The following CUBN variants were observed in gnomAD, a reference collection of about 807,000 sequenced individuals.
The protein encoded by CUBN is cubilin.
A neutral mutation model predicts 405.3 loss-of-function variants in CUBN; 282 were observed. The observed-to-expected ratio is 0.70, with a 90% CI of 0.63 to 0.77. CUBN has a LOEUF of 0.77. CUBN is among the 30% of genes least tolerant of loss of function. CUBN has a pLI of 0.00. For synonymous variants in CUBN, 1,684 were observed against 1,617.0 expected (o/e 1.04, Z -0.99); for missense variants, 4,514 against 4,475.2 (o/e 1.01, Z -0.25).
chr10:16,909,518 A>T (rs1841660680), intron 48 of CUBN, among the ~76,000 whole-genome samples: 1 of 152,354 alleles, frequency 6.6e-6, no homozygotes, highest in African/African-American at 2.4e-5. Context: ...AAATATTTCT[A>T]TAATGCTGAA....
chr10:17,005,521 A>G (rs4748340), intron 28 of CUBN, among the ~76,000 whole-genome samples: 99,611 of 151,988 alleles, frequency 0.66, 33,155 homozygotes, highest in African/African-American at 0.79. Flanking sequence ...GTGCCCTCAC[A>G]CCTTGCTGCT....
chr10:17,123,520 C>T (rs1317083523), intron 5 of CUBN, 68 bp downstream of exon 5: 1 of 1,176,842 alleles, frequency 8.5e-7, no homozygotes, highest in Non-Finnish European at 1.3e-6. Flanking sequence ...TTAAATATGC[C>T]TGATGATTCC....
At chr10:16,987,323 A>G (rs1318070612) in intron 29 of CUBN, among the ~76,000 whole-genome samples, 1 of 152,242 alleles carries the variant, frequency 6.6e-6, no homozygotes, top group East Asian at 1.9e-4. Flanking sequence ...GCATATGACT[A>G]AACTTTGGGG....
Position 16,899,105 on chromosome 10 carries a change from C to A in CUBN, c.8489G>T (p.Arg2830Ile). 2 of 1,613,790 alleles carry A rather than the reference C, an allele frequency of 1.2e-6. No homozygotes were observed. Among genetic ancestry groups the A allele is most frequent in the Non-Finnish European group, 1.7e-6 (2 of 1,179,664 alleles). ...HWPQNFPENS[R>I]CSWTAITHKS... ...GTGAGTAATGGCCGTCCAGGAACAT[C>A]TGCTGTTTTCGGGAAAATTCTGAGG... Residue 2830 changes from arginine to isoleucine, a missense_variant, in exon 54 of 67, where the codon AGA (arginine) becomes ATA (isoleucine). Physicochemically the swap from Arg to Ile is moderately conservative, Grantham distance 97. This residue lies in a region of CUBN where 1,186 missense variants were observed against 1,186.9 expected (regional missense o/e 1.00). Transcript: ENST00000377833.
chr10:17,106,743 G>A (rs1487800464), intron 10 of CUBN, among the ~76,000 whole-genome samples: 1 of 152,046 alleles, frequency 6.6e-6, no homozygotes, highest in African/African-American at 2.4e-5. Context: ...CACTCCCCTC[G>A]TGTGTAGGCT....
intron 29 of CUBN, among the ~76,000 whole-genome samples, chr10:16,984,844 T>C (rs1431954309): frequency 6.6e-6 from 1 of 152,254 alleles, no homozygotes; most frequent in African/African-American, 2.4e-5. Context: ...ACATTGAATA[T>C]AACACGTATG....
At chr10:16,989,362 ATATT>A (rs1833514915) in intron 29 of CUBN, among the ~76,000 whole-genome samples, 1 of 148,348 alleles carries the variant, frequency 6.7e-6, no homozygotes, top group South Asian at 2.1e-4. Context: ...GTTATAATAA[ATATT>A]AATTATTGTA....
chr10:17,097,131 A>G (rs1836393276), intron 14 of CUBN, among the ~76,000 whole-genome samples: 1 of 152,136 alleles, frequency 6.6e-6, no homozygotes. Context: ...AAAAATCAAC[A>G]GAAAACATTA....
intron 31 of CUBN, among the ~76,000 whole-genome samples, chr10:16,964,244 A>G (rs1442873064): frequency 6.6e-6 from 1 of 152,210 alleles, no homozygotes; most frequent in Non-Finnish European, 1.5e-5. Flanking sequence ...ATTCACATAT[A>G]AAGATACTCC....
At position 17,045,136 on chromosome 10, in the gene CUBN, G is replaced by A; in HGVS notation, c.3543C>T (p.Tyr1181=). The A allele has an allele frequency of 6.2e-7, 1 of 1,613,958 alleles. No individual in the cohort carries two copies. The change falls in exon 25 of 67, where the codon TAC becomes TAT. Residue 1181 remains tyrosine (Y), a synonymous_variant. Coordinates refer to ENST00000377833, the MANE Select transcript of CUBN (RefSeq NM_001081.4). ...CAGAGCTGTGGTAATAGGGCATCGGGTAGTTGGGAGATATGAACGTGCCGC... is the reference window on the plus strand; with the variant it reads ...CAGAGCTGTGGTAATAGGGCATCGGATAGTTGGGAGATATGAACGTGCCGC... ...TSSGTFISPN[Y]PMPYYHSSEC...
rs1841914014 is a variant in CUBN at position 16,917,432 on chromosome 10, C to T, written c.7000+1190G>A. ...TAAATTAGACATAAGAGATTAACAA[C>T]AATAACTAATAATAAAATAGAAGAA... is the stretch of plus-strand genomic sequence containing the variant. On this transcript the variant is annotated intron_variant, in intron 45 of 66. Transcript: ENST00000377833. 2.0e-5 allele frequency among the ~76,000 whole-genome samples: 3 copies of T among 151,974 alleles called. No individual in the cohort carries two copies. The South Asian group carries it at 6.2e-4, about 32-fold the overall frequency.
At chr10:17,123,515 T>C (rs777026741) in intron 5 of CUBN, 73 bp downstream of exon 5, 4 of 1,124,456 alleles carry the variant, frequency 3.6e-6, no homozygotes, top group African/African-American at 1.5e-5. Flanking sequence ...GAGAATTAAA[T>C]ATGCCTGATG....
intron 53 of CUBN, 114 bp downstream of exon 53, chr10:16,900,511 T>G: frequency 1.2e-6 from 1 of 833,850 alleles, no homozygotes; most frequent in Non-Finnish European, 2.0e-6. Context: ...TGAGATGACA[T>G]GTGCAAATAT....
intron 27 of CUBN, among the ~76,000 whole-genome samples, chr10:17,026,943 A>G (rs1022314228): frequency 5.3e-5 from 8 of 152,198 alleles, no homozygotes; most frequent in Non-Finnish European, 1.5e-5. Flanking sequence ...TCTAAAAGTA[A>G]CAATTACTCA....
chr10:16,902,208 A>G lies in CUBN; in HGVS notation c.8063-749T>C, dbSNP rs182063257. 4.1e-3 allele frequency among the ~76,000 whole-genome samples: 553 copies of G among 134,540 alleles called. 4 individuals are homozygous for G. The highest frequency in any genetic ancestry group is 7.0e-3 in the Non-Finnish European group (451 of 64,648). The allele number at this position is 134,540 out of a possible 152,430, so 88.3% of individuals were successfully genotyped here. ...ATTTGTATATATAGTATATATATTTATATATATAGTATATATATGTATATA... is the reference window on the plus strand; with the variant it reads ...ATTTGTATATATAGTATATATATTTGTATATATAGTATATATATGTATATA... On this transcript the variant is annotated intron_variant, in intron 51 of 66. Coordinates refer to ENST00000377833, the MANE Select transcript of CUBN (RefSeq NM_001081.4).
chr10:17,041,962 C>T (rs1004112509), intron 26 of CUBN, among the ~76,000 whole-genome samples: 2 of 152,144 alleles, frequency 1.3e-5, no homozygotes, highest in East Asian at 3.9e-4. Context: ...CCAGTTCAGC[C>T]AATCCTAATG....
intron 59 of CUBN, among the ~76,000 whole-genome samples, chr10:16,853,920 C>T (rs745975707): frequency 2.1e-4 from 32 of 152,096 alleles, no homozygotes; most frequent in Non-Finnish European, 3.7e-4. Flanking sequence ...CATATTGTTT[C>T]AATATTCAAG....
intron 51 of CUBN, among the ~76,000 whole-genome samples, chr10:16,901,916 T>TAC (rs1443092384): frequency 4.2e-4 from 46 of 110,336 alleles, no homozygotes; most frequent in African/African-American, 1.7e-3. Context: ...TATATATATA[T>TAC]ATACACACAC....
chr10:17,043,253 A>G (rs1282976744), intron 26 of CUBN, among the ~76,000 whole-genome samples: 1 of 152,134 alleles, frequency 6.6e-6, no homozygotes, highest in Non-Finnish European at 1.5e-5. Context: ...TCATGTTGCT[A>G]TCTGGGAAAA....
Sources: gnomAD v4.1 joint callset for allele counts (sites outside exome capture counted in the v4.1 genomes callset) on GRCh38, gnomAD v4.1.1 for gene constraint, gnomAD v4.1.1 regional missense constraint, MANE v1.5 for transcripts, NCBI Gene and HGNC (gene_info 2026-07-23, HGNC 2026-07-21) for gene names.